KIF26B: variants seen among roughly 807,000 people sequenced by gnomAD.
KIF26B encodes kinesin family member 26B, also known as kinesin-like protein KIF26B.
Under a neutral mutation model 151.2 loss-of-function variants are expected in KIF26B, and 63 were observed. That is an observed-to-expected ratio of 0.42 (90% CI 0.34 to 0.51). The LOEUF is 0.51. KIF26B is among the 20% of genes least tolerant of loss of function. KIF26B has a pLI of 0.07. For synonymous variants in KIF26B, 1,357 were observed against 1,262.1 expected (o/e 1.08, Z -1.59); for missense variants, 2,813 against 2,913.6 (o/e 0.97, Z 0.79).
At chr1:245,521,411 A>T (rs571912075) in intron 4 of KIF26B, among the ~76,000 whole-genome samples, 11 of 152,256 alleles carry the variant, frequency 7.2e-5, no homozygotes, top group African/African-American at 2.6e-4. Context: ...TTCCCTATAG[A>T]TGATGAAGAG....
chr1:245,271,139 G>T (rs1228065619), intron 2 of KIF26B, among the ~76,000 whole-genome samples: 1 of 152,118 alleles, frequency 6.6e-6, no homozygotes, highest in Non-Finnish European at 1.5e-5. Context: ...ATGTCATACT[G>T]TTTTGATTAC....
intron 2 of KIF26B, among the ~76,000 whole-genome samples, chr1:245,356,435 G>A (rs1672702637): frequency 1.3e-5 from 2 of 151,956 alleles, no homozygotes; most frequent in African/African-American, 4.8e-5. Flanking sequence ...GGGCGCCTGT[G>A]ATCCCAAGGT....
intron 2 of KIF26B, among the ~76,000 whole-genome samples, chr1:245,240,233 C>T (rs34570437): frequency 2.0e-5 from 3 of 152,152 alleles, no homozygotes; most frequent in Non-Finnish European, 2.9e-5. Context: ...ATTCTGGTGC[C>T]TAACGACTTC....
intron 2 of KIF26B, among the ~76,000 whole-genome samples, chr1:245,205,709 C>A (rs1163167924): frequency 5.9e-5 from 5 of 84,568 alleles, no homozygotes; most frequent in Non-Finnish European, 1.1e-4. Flanking sequence ...TCTTTCTTTT[C>A]TTTTCTTTTT....
rs767774175 is a variant in KIF26B at position 245,241,274 on chromosome 1, C to T, written c.465+84591C>T. ...GATGGCCAGAGCCAGAGGAAGACCA[C>T]GAAGCCAGAGGGTGCCCCGACAGAG... On this transcript the variant is annotated intron_variant, in intron 2 of 14. Transcript: ENST00000407071. The surrounding 1 kb of genome is among the most constrained non-coding windows in gnomAD (Gnocchi z 5.0). Among the ~76,000 whole-genome samples the T allele has an allele frequency of 8.5e-5, 13 of 152,056 alleles. No individual in the cohort carries two copies. Among genetic ancestry groups the T allele is most frequent in the Non-Finnish European group, 1.8e-4 (12 of 68,004 alleles).
rs1183876196 is a variant in KIF26B at position 245,698,412 on chromosome 1, C to T, written c.6027+104C>T. On this transcript the variant is annotated intron_variant, in intron 13 of 14. Coordinates refer to ENST00000407071, the MANE Select transcript of KIF26B (RefSeq NM_018012.4). This position sits in a 1 kb window ranked among gnomAD's most constrained non-coding sequence, Gnocchi z 4.0. ...CTGGGGAAGAAAACTCAGACCCGGG[C>T]TTCCCAGCGGGCTTCTGGCATGGGT... 3.7e-6 allele frequency: 4 copies of T among 1,080,198 alleles called. No individual in the cohort carries two copies. The highest frequency in any genetic ancestry group is 5.3e-6 in the Non-Finnish European group (4 of 754,218). 66.9% of individuals were successfully genotyped at this position (1,080,198 alleles called of 1,614,324 possible).
rs1366326526 is a variant in KIF26B, at chr1:245,166,994, AAT to A, written c.465+10314_465+10315del. Among the ~76,000 whole-genome samples, 3 of 152,180 alleles carry A rather than the reference AAT, an allele frequency of 2.0e-5. No individual in the cohort carries two copies. The highest frequency in any genetic ancestry group is 1.3e-4 in the Admixed American group (2 of 15,268). On this transcript the variant is annotated intron_variant, in intron 2 of 14. Transcript: ENST00000407071. The surrounding 1 kb of genome is among the most constrained non-coding windows in gnomAD (Gnocchi z 4.5). ...AATTTTTTAAATATGCAGAACGATA[AAT>A]ATGTCTTAAGTGTTATAGACCAGGT...
chr1:245,514,531 C>A (rs2103085934), intron 4 of KIF26B, among the ~76,000 whole-genome samples: 1 of 151,498 alleles, frequency 6.6e-6, no homozygotes, highest in Non-Finnish European at 1.5e-5. Flanking sequence ...GACTCCATCT[C>A]AAAAATAATA....
At chr1:245,390,175 G>GGTT (rs1673650526) in intron 3 of KIF26B, among the ~76,000 whole-genome samples, 4 of 146,998 alleles carry the variant, frequency 2.7e-5, no homozygotes, top group African/African-American at 1.0e-4. Context: ...TATTTGGAGG[G>GGTT]TTTTTTTTTT....
chr1:245,435,194 G>C (rs1186782685), intron 4 of KIF26B, among the ~76,000 whole-genome samples: 1 of 151,676 alleles, frequency 6.6e-6, no homozygotes, highest in Non-Finnish European at 1.5e-5. Flanking sequence ...CATCCAACAA[G>C]CATTTGGTAA....
intron 4 of KIF26B, among the ~76,000 whole-genome samples, chr1:245,511,620 T>C (rs1408820825): frequency 6.6e-6 from 1 of 152,242 alleles, no homozygotes; most frequent in Non-Finnish European, 1.5e-5. Flanking sequence ...TTTTGTTTTT[T>C]AACTAATGTC....
intron 2 of KIF26B, among the ~76,000 whole-genome samples, chr1:245,238,172 A>C (rs905134176): frequency 2.0e-5 from 3 of 151,936 alleles, no homozygotes; most frequent in Non-Finnish European, 4.4e-5. Context: ...ATCTCTACTA[A>C]AAAAAATACA....
At chr1:245,158,852 G>A (rs1558328528) in intron 2 of KIF26B, among the ~76,000 whole-genome samples, 1 of 32,672 alleles carries the variant, frequency 3.1e-5, no homozygotes, top group Non-Finnish European at 9.8e-5. Context: ...GTGTGTGTGT[G>A]TGTGTGTGTG....
intron 2 of KIF26B, among the ~76,000 whole-genome samples, chr1:245,220,434 CCAGGG>C (rs1669743122): frequency 2.0e-5 from 3 of 151,320 alleles, no homozygotes; most frequent in African/African-American, 7.3e-5. Flanking sequence ...GGTCCAGGGT[CCAGGG>C]TCCGGGGTCC....
At chr1:245,615,504 A>G (rs1479003013) in intron 9 of KIF26B, among the ~76,000 whole-genome samples, 1 of 152,220 alleles carries the variant, frequency 6.6e-6, no homozygotes, top group Non-Finnish European at 1.5e-5. Context: ...AGGCCAAGAC[A>G]TTCCCTAAAC....
chr1:245,582,244 T>C (rs546954844), intron 5 of KIF26B, among the ~76,000 whole-genome samples: 172 of 152,348 alleles, frequency 1.1e-3, no homozygotes, highest in African/African-American at 3.8e-3. Flanking sequence ...AAGGGGGTCA[T>C]TGTGTTCCTC....
chr1:245,647,424 C>CAAAAAAAA (rs372008159), intron 10 of KIF26B, among the ~76,000 whole-genome samples: 2 of 96,502 alleles, frequency 2.1e-5, no homozygotes, highest in African/African-American at 4.3e-5. Flanking sequence ...GACTCCTTCT[C>CAAAAAAAA]AAAAAAAAAA....
intron 2 of KIF26B, among the ~76,000 whole-genome samples, chr1:245,269,243 C>A (rs1165591265): frequency 7.5e-6 from 1 of 133,330 alleles, no homozygotes; most frequent in Non-Finnish European, 1.6e-5. Flanking sequence ...CTCCTCCCAC[C>A]GAACGGCCCC....
At chr1:245,328,185 G>C (rs775038416) in intron 2 of KIF26B, among the ~76,000 whole-genome samples, 15 of 151,300 alleles carry the variant, frequency 9.9e-5, no homozygotes, top group Non-Finnish European at 2.1e-4. Context: ...CTGGGAGGTG[G>C]GGGTGCCTGA....
Sources: allele counts gnomAD v4.1 joint callset (sites outside exome capture counted in the v4.1 genomes callset), GRCh38; gene constraint gnomAD v4.1.1; non-coding constraint Gnocchi (gnomAD v3.1); transcripts MANE v1.5; gene names NCBI Gene and HGNC (gene_info 2026-07-23, HGNC 2026-07-21).